ZNF469: variants seen among roughly 807,000 people sequenced by gnomAD.
The protein encoded by ZNF469 is zinc finger protein 469.
Under a neutral mutation model 1.0 loss-of-function variants are expected in ZNF469, and 1 was observed. The ratio of observed to expected loss-of-function variants is 1.00; its 90% CI spans 0.35 to 4.73. The LOEUF (loss-of-function observed/expected upper bound fraction) is 4.73, where lower values mean the gene tolerates loss of function less well. Ranked by LOEUF, ZNF469 falls within the 30% of genes most tolerant of loss-of-function variation. The pLI is 0.16. For synonymous variants in ZNF469, 2,703 were observed against 2,363.4 expected (o/e 1.14, Z -4.17); for missense variants, 6,100 against 5,356.3 (o/e 1.14, Z -4.33).
At chr16:88,145,841 G>A in the ZNF469 span, among the ~76,000 whole-genome samples, 1 of 152,256 alleles carries the variant, frequency 6.6e-6, no homozygotes, top group African/African-American at 2.4e-5. Flanking sequence ...GTGGCCCGAG[G>A]CCATGAGGGC....
chr16:88,416,607 C>G (rs1042968919), intron 1 of ZNF469, among the ~76,000 whole-genome samples: 2 of 152,208 alleles, frequency 1.3e-5, no homozygotes, highest in African/African-American at 4.8e-5. Context: ...GACGCCACCA[C>G]CATTACCGTG....
chr16:88,261,317 G>A, the ZNF469 span, among the ~76,000 whole-genome samples: 1 of 152,212 alleles, frequency 6.6e-6, no homozygotes, highest in Admixed American at 6.5e-5. This position sits in a 1 kb window ranked among gnomAD's most constrained non-coding sequence, Gnocchi z 6.0. Context: ...GGCACCACCT[G>A]CCCCTCCCTG....
At chr16:88,111,171 C>T in the ZNF469 span, among the ~76,000 whole-genome samples, 3 of 152,246 alleles carry the variant, frequency 2.0e-5, no homozygotes, top group South Asian at 2.1e-4. Context: ...GACGCCACTG[C>T]CGAAGAGGCC....
chr16:88,194,875 C>G, the ZNF469 span: 2 of 152,270 alleles, frequency 1.3e-5, no homozygotes, highest in Non-Finnish European at 2.9e-5. Flanking sequence ...AGTGAGTTAC[C>G]CGGGCGGGGA....
At chr16:88,208,286 G>C in the ZNF469 span, among the ~76,000 whole-genome samples, 4 of 151,010 alleles carry the variant, frequency 2.6e-5, no homozygotes, top group Non-Finnish European at 5.9e-5. Flanking sequence ...TTTCCCTGTT[G>C]CGTGCTGCAA....
chr16:88,158,896 C>T, the ZNF469 span, among the ~76,000 whole-genome samples: 7 of 152,072 alleles, frequency 4.6e-5, no homozygotes, highest in Non-Finnish European at 7.4e-5. Context: ...TCTGAACCTA[C>T]TGGGGCCTTC....
the ZNF469 span, among the ~76,000 whole-genome samples, chr16:88,127,331 T>C: frequency 2.6e-5 from 4 of 152,312 alleles, no homozygotes; most frequent in African/African-American, 9.6e-5. Context: ...CTTAAATGTC[T>C]AATAGAATTC....
At chr16:88,200,567 G>A in the ZNF469 span, among the ~76,000 whole-genome samples, 31,871 of 152,182 alleles carry the variant, frequency 0.21, 3,795 homozygotes, top group East Asian at 0.31. Flanking sequence ...CCACGCCATC[G>A]GCCCTCACCC....
intron 1 of ZNF469, among the ~76,000 whole-genome samples, chr16:88,392,295 C>T (rs140231243): frequency 1.5e-3 from 235 of 152,386 alleles, no homozygotes; most frequent in African/African-American, 4.7e-3. Flanking sequence ...AGCTGCTGCA[C>T]GAGCAGCTCA....
chr16:88,202,583 G>A, the ZNF469 span, among the ~76,000 whole-genome samples: 86 of 152,224 alleles, frequency 5.6e-4, 1 homozygote, highest in Non-Finnish European at 2.9e-5. Context: ...ACCGCAGGAA[G>A]CACATCTGGT....
At position 88,439,087 on chromosome 16, in the gene ZNF469, C is replaced by T. The variant is rs1273268438; in HGVS notation, c.11617C>T (p.Pro3873Ser). 6.4e-7 allele frequency: 1 copy of T among 1,550,956 alleles called. No homozygotes were observed. Residue 3873 changes from proline (P) to serine (S), a missense_variant, in exon 3 of 3, where the codon CCA (proline) becomes TCA (serine). Pro to Ser is a moderately conservative substitution (Grantham distance 74). Coordinates refer to ENST00000565624, the MANE Select transcript of ZNF469 (RefSeq NM_001367624.2). ...KPNSQNKPRP[P>S]PSEQRKAEPG... ...CAACAGCCAGAACAAACCCAGGCCGCCACCATCAGAGCAGCGGAAGGCAGA... is the reference window on the plus strand; with the variant it reads ...CAACAGCCAGAACAAACCCAGGCCGTCACCATCAGAGCAGCGGAAGGCAGA...
chr16:88,265,272 G>A, the ZNF469 span, among the ~76,000 whole-genome samples: 4 of 152,232 alleles, frequency 2.6e-5, no homozygotes, highest in East Asian at 5.8e-4. Flanking sequence ...GACCAAGAAA[G>A]GGATCCAAGA....
At chr16:88,303,005 C>T in the ZNF469 span, among the ~76,000 whole-genome samples, 1 of 152,204 alleles carries the variant, frequency 6.6e-6, no homozygotes, top group African/African-American at 2.4e-5. Flanking sequence ...CACTCCTGTC[C>T]CGGGTGCCAG....
the ZNF469 span, among the ~76,000 whole-genome samples, chr16:88,360,635 C>G: frequency 8.3e-6 from 1 of 120,472 alleles, no homozygotes; most frequent in Admixed American, 8.3e-5. Flanking sequence ...GGCAGTCCAC[C>G]CCCAGACAGC....
chr16:88,250,838 A>G, the ZNF469 span, among the ~76,000 whole-genome samples: 1 of 152,046 alleles, frequency 6.6e-6, no homozygotes, highest in Non-Finnish European at 1.5e-5. Flanking sequence ...AGTTTCTGTT[A>G]CTTTGTTGAG....
the ZNF469 span, among the ~76,000 whole-genome samples, chr16:88,190,420 C>T: frequency 6.6e-6 from 1 of 152,268 alleles, no homozygotes; most frequent in Non-Finnish European, 1.5e-5. Flanking sequence ...TTAACTCATG[C>T]AACAGGACAG....
the ZNF469 span, among the ~76,000 whole-genome samples, chr16:88,130,991 G>A: frequency 6.6e-6 from 1 of 152,240 alleles, no homozygotes; most frequent in African/African-American, 2.4e-5. Flanking sequence ...TGCGAGGGGC[G>A]TGTGCTTCTC....
chr16:88,118,125 T>A, the ZNF469 span, among the ~76,000 whole-genome samples: 1 of 152,154 alleles, frequency 6.6e-6, no homozygotes, highest in Non-Finnish European at 1.5e-5. Flanking sequence ...GTATTTTTAG[T>A]AGAGACGGGG....
chr16:88,340,228 G>A, the ZNF469 span, among the ~76,000 whole-genome samples: 303 of 152,318 alleles, frequency 2.0e-3, 2 homozygotes, highest in African/African-American at 7.0e-3. Flanking sequence ...TGCAGAGCAG[G>A]GGGAGCCTGT....
Sources: allele counts gnomAD v4.1 joint callset (sites outside exome capture counted in the v4.1 genomes callset), GRCh38; gene constraint gnomAD v4.1.1; non-coding constraint Gnocchi (gnomAD v3.1); transcripts MANE v1.5; gene names NCBI Gene and HGNC (gene_info 2026-07-23, HGNC 2026-07-21).